The following HSDL1 variants were observed in gnomAD, a reference collection of about 807,000 sequenced individuals.
The protein encoded by HSDL1 is hydroxysteroid dehydrogenase like 1.
In HSDL1, 29 loss-of-function variants were observed where a neutral mutation model predicts 31.5. The observed-to-expected ratio is 0.92, with a 90% CI of 0.69 to 1.26. The LOEUF (loss-of-function observed/expected upper bound fraction) is 1.26. Ranked by LOEUF, HSDL1 falls within the 50% of genes most tolerant of loss-of-function variation. The pLI, the probability that HSDL1 is intolerant of heterozygous loss-of-function variation, is 0.00. For missense variants in HSDL1, 503 were observed against 416.6 expected, an observed-to-expected ratio of 1.21 and a Z score of -1.81; for synonymous variants, 222 against 155.2, an observed-to-expected ratio of 1.43 and a Z score of -3.20.
Position 84,130,945 on chromosome 16 carries a change from G to A in HSDL1, c.220+157C>T, listed in dbSNP as rs145252085. 9.2e-6 allele frequency: 6 copies of A among 649,026 alleles called. No homozygotes were observed. In the East Asian group the frequency reaches 1.3e-4, roughly 14 times the overall value. The allele number at this position is 649,026 out of a possible 1,614,324, so 40.2% of individuals were successfully genotyped here. ...GCCAGTTCTTCCTAAGATGAGAGCA[G>A]TAAGAAAATGAAATGTGAACATAAT... is the stretch of plus-strand genomic sequence containing the variant. On this transcript the variant is annotated intron_variant, in intron 3 of 5. Coordinates refer to ENST00000219439, the MANE Select transcript of HSDL1 (RefSeq NM_031463.5).
rs563785855 is a variant in HSDL1, at chr16:84,140,967, T to A, written c.-69+4113A>T. Among the ~76,000 whole-genome samples, 603 of 151,706 alleles carry A rather than the reference T, an allele frequency of 4.0e-3. 1 individual carries two copies. The highest frequency in any genetic ancestry group is 0.014 in the African/African-American group (576 of 41,050). On this transcript the variant is annotated intron_variant, in intron 1 of 5. Transcript: ENST00000219439. ...TTAGCCGGGCGCAGTGGTGGGCGCC[T>A]GTAGTCCCAGCTACTCGGGAGGCTG...
intron 1 of HSDL1, 118 bp downstream of exon 1, chr16:84,144,962 G>C: frequency 6.5e-6 from 1 of 152,776 alleles, no homozygotes; most frequent in Non-Finnish European, 1.5e-5. Flanking sequence ...GGGCCTGGGG[G>C]GCGTGGTGAG....
chr16:84,144,458 G>A (rs2086816225), intron 1 of HSDL1: 1 of 152,422 alleles, frequency 6.6e-6, no homozygotes, highest in African/African-American at 2.4e-5. Context: ...GTTCAGAACG[G>A]GGACCTGCCT....
At chr16:84,139,446 G>A (rs1008512931) in intron 1 of HSDL1, 1 of 152,950 alleles carries the variant, frequency 6.5e-6, no homozygotes, top group African/African-American at 2.4e-5. Flanking sequence ...TGAAGGACGG[G>A]GGGTGGCCTC....
Position 84,131,132 on chromosome 16 carries a change from T to A in HSDL1, c.190A>T (p.Lys64Ter), listed in dbSNP as rs201845155. ...ACAACGGCCCATCTTCCATACTGCT[T>A]GATCAAGTCTGCTCTGCTCCCCAGG... ...PRLGSRADLI[K>*]QYGRWAVVSG... The change falls in exon 3 of 6, where the codon AAG (lysine) becomes TAG (stop). Residue 64 changes from lysine (K) to a stop codon, truncating the protein, a stop_gained. Transcript: ENST00000219439. LOFTEE classifies it high-confidence loss of function. 2 of 1,614,038 alleles carry A rather than the reference T, an allele frequency of 1.2e-6. No individual in the cohort carries two copies.
At position 84,144,009 on chromosome 16, in the gene HSDL1, T is replaced by C. The variant is rs529199843; in HGVS notation, c.-69+1071A>G. 2.7e-5 allele frequency among the ~76,000 whole-genome samples: 4 copies of C among 148,892 alleles called. No individual in the cohort carries two copies. The Admixed American group carries it at 2.7e-4, about 10-fold the overall frequency. ...CTACAGCCCGGGCGACAGAGCGAGA[T>C]TGTCTGAATCAATCAATCAATCAAC... On this transcript the variant is annotated intron_variant, in intron 1 of 5. Coordinates refer to ENST00000219439, the MANE Select transcript of HSDL1 (RefSeq NM_031463.5).
intron 2 of HSDL1, 67 bp from the exon 3 acceptor site, chr16:84,131,394 G>A (rs1397489305): frequency 3.6e-6 from 4 of 1,107,112 alleles, no homozygotes; most frequent in East Asian, 2.4e-5. Flanking sequence ...CACAGTCTGA[G>A]TGAAGACATC....
At chr16:84,143,934 C>T (rs901360755) in intron 1 of HSDL1, among the ~76,000 whole-genome samples, 5 of 151,796 alleles carry the variant, frequency 3.3e-5, no homozygotes, top group African/African-American at 1.2e-4. Context: ...GCCCGGGGTG[C>T]GGGATGGCGG....
intron 1 of HSDL1, among the ~76,000 whole-genome samples, chr16:84,137,385 A>G (rs1424065444): frequency 1.3e-5 from 2 of 152,248 alleles, no homozygotes; most frequent in Non-Finnish European, 2.9e-5. Flanking sequence ...GCAGGCGCAC[A>G]GGCGTGAAGG....
chr16:84,142,799 G>C (rs1211422188), intron 1 of HSDL1, among the ~76,000 whole-genome samples: 1 of 152,088 alleles, frequency 6.6e-6, no homozygotes, highest in African/African-American at 2.4e-5. Flanking sequence ...TTAATAAACA[G>C]AATCAAATAC....
At chr16:84,137,461 G>A (rs1244578651) in intron 1 of HSDL1, among the ~76,000 whole-genome samples, 4 of 152,226 alleles carry the variant, frequency 2.6e-5, no homozygotes, top group African/African-American at 9.6e-5. Context: ...TCCTCCTTGA[G>A]CACCAAGGGA....
Position 84,130,431 on chromosome 16 carries a change from C to G in HSDL1, c.221G>C (p.Gly74Ala), listed in dbSNP as rs1172617349. Residue 74 changes from glycine to alanine, a missense_variant and splice_region_variant, in exon 4 of 6, where the codon GGT (glycine) becomes GCT (alanine). Transcript: ENST00000219439. ...KQYGRWAVVSGATDGIGKAYA... is the reference protein window; with the variant it reads ...KQYGRWAVVSAATDGIGKAYA... ...GGCTTTTCCAATCCCATCTGTTGCACCTAGGATGCAAGTCAGGAAAAGTGA... is the reference window on the plus strand; with the variant it reads ...GGCTTTTCCAATCCCATCTGTTGCAGCTAGGATGCAAGTCAGGAAAAGTGA... 3.7e-6 allele frequency: 6 copies of G among 1,601,292 alleles called. No individual in the cohort carries two copies. Among genetic ancestry groups the G allele is most frequent in the Non-Finnish European group, 5.1e-6 (6 of 1,173,834 alleles).
intron 2 of HSDL1, 90 bp from the exon 3 acceptor site, chr16:84,131,417 T>C (rs1003785882): frequency 1.1e-5 from 9 of 849,928 alleles, no homozygotes; most frequent in Non-Finnish European, 1.6e-5. Context: ...GCTGAGGGCA[T>C]CAGATCTTGT....
At chr16:84,134,370 C>T (rs1242106431) in intron 2 of HSDL1, among the ~76,000 whole-genome samples, 3 of 152,142 alleles carry the variant, frequency 2.0e-5, no homozygotes, top group Non-Finnish European at 4.4e-5. Flanking sequence ...CACCTGTAAT[C>T]CCAGCACTTT....
intron 5 of HSDL1, among the ~76,000 whole-genome samples, chr16:84,127,260 C>A (rs1210641630): frequency 1.4e-5 from 2 of 142,678 alleles, no homozygotes; most frequent in Admixed American, 1.4e-4. Context: ...CTCTGTCACC[C>A]AGGCTGGAGT....
At position 84,137,185 on chromosome 16, in the gene HSDL1, G is replaced by A. The variant is rs141089782; in HGVS notation, c.-68-1580C>T. On this transcript the variant is annotated intron_variant, in intron 1 of 5. Coordinates refer to ENST00000219439, the MANE Select transcript of HSDL1 (RefSeq NM_031463.5). ...AACTGCAACATGAGGTGGCAAGGGC[G>A]CCACTGGGGTGAAATGGGTCTTGAA... Among the ~76,000 whole-genome samples the A allele has an allele frequency of 7.2e-5, 11 of 152,352 alleles. No homozygotes were observed. In the South Asian group the frequency reaches 8.3e-4, roughly 11 times the overall value.
intron 5 of HSDL1, among the ~76,000 whole-genome samples, chr16:84,126,993 A>C (rs80098286): frequency 6.6e-6 from 1 of 152,196 alleles, no homozygotes; most frequent in Admixed American, 6.5e-5. Context: ...ATTCTCAAGG[A>C]AAGTTTATCA....
chr16:84,132,621 C>T (rs1410074491), intron 2 of HSDL1, among the ~76,000 whole-genome samples: 2 of 152,104 alleles, frequency 1.3e-5, no homozygotes, highest in African/African-American at 2.4e-5. Flanking sequence ...ACTAAATGAC[C>T]GTCCCTAGGT....
chr16:84,130,579 T>C lies in HSDL1; in HGVS notation c.221-148A>G, dbSNP rs1305996189. On this transcript the variant is annotated intron_variant, in intron 3 of 5. Coordinates refer to ENST00000219439, the MANE Select transcript of HSDL1 (RefSeq NM_031463.5). ...TAGTATCTACAAGTCAAGGACACTG[T>C]TGCTGAATGAGGAATGTGAAGGGCG... 2.3e-5 allele frequency: 15 copies of C among 651,226 alleles called. No individual in the cohort carries two copies. The East Asian group carries it at 4.0e-4, about 17-fold the overall frequency. The allele number at this position is 651,226 out of a possible 1,614,324, so 40.3% of individuals were successfully genotyped here.
Sources: gnomAD v4.1 joint callset for allele counts (sites outside exome capture counted in the v4.1 genomes callset) on GRCh38, gnomAD v4.1.1 for gene constraint, MANE v1.5 for transcripts, NCBI Gene and HGNC (gene_info 2026-07-23, HGNC 2026-07-21) for gene names.